LAMC1: variants seen among roughly 807,000 people sequenced by gnomAD.
LAMC1 encodes laminin subunit gamma 1, also known as laminin subunit gamma-1.
LAMC1 carries 38 observed loss-of-function variants against 173.6 expected under a neutral mutation model. The ratio of observed to expected loss-of-function variants is 0.22; its 90% confidence interval spans 0.17 to 0.29. The LOEUF (loss-of-function observed/expected upper bound fraction) is 0.29, where lower values mean the gene tolerates loss of function less well. Among genes scored for constraint, LAMC1 ranks in the 10% least tolerant of loss-of-function variants. The pLI is 1.00. For missense variants in LAMC1, 1,824 were observed against 2,051.8 expected (o/e 0.89, Z 2.14); for synonymous variants, 746 against 749.1 (o/e 1.00, Z 0.07).
chr1:183,024,185 C>G, intron 1 of LAMC1, 51 bp downstream of exon 1: 1 of 1,487,878 alleles, frequency 6.7e-7, no homozygotes, highest in Non-Finnish European at 9.0e-7. Flanking sequence ...CAGCCCAGCT[C>G]CCGGACCGGC....
intron 1 of LAMC1, among the ~76,000 whole-genome samples, chr1:183,064,650 A>G (rs889123617): frequency 6.6e-6 from 1 of 152,322 alleles, no homozygotes; most frequent in Non-Finnish European, 1.5e-5. Flanking sequence ...CAAAAATTGT[A>G]AGGGGCACCT....
intron 1 of LAMC1, among the ~76,000 whole-genome samples, chr1:183,070,305 A>G (rs947160090): frequency 2.6e-5 from 4 of 152,158 alleles, no homozygotes; most frequent in African/African-American, 7.2e-5. Context: ...TAGAATAGCT[A>G]TGATTTTAAG....
chr1:183,035,892 C>A (rs970052772), intron 1 of LAMC1, among the ~76,000 whole-genome samples: 1 of 152,068 alleles, frequency 6.6e-6, no homozygotes, highest in Non-Finnish European at 1.5e-5. Flanking sequence ...TGTTAAGCAA[C>A]CCCCTTAGAG....
Position 183,128,702 on chromosome 1 carries a change from G to A in LAMC1, c.3232G>A (p.Ala1078Thr), listed in dbSNP as rs1279748214. The change falls in exon 18 of 28, where the codon GCA becomes ACA. Residue 1078 changes from alanine to threonine, a missense_variant. Coordinates refer to ENST00000258341, the MANE Select transcript of LAMC1 (RefSeq NM_002293.4). ...DQAFEDRLKE[A>T]EREVMDLLRE... ...AGCCTTCGAGGATAGACTAAAGGAA[G>A]CAGAGAGGGAAGTTATGGACCTCCT... The A allele has an allele frequency of 1.2e-5, 19 of 1,613,496 alleles. No individual in the cohort carries two copies. Among genetic ancestry groups the A allele is most frequent in the Non-Finnish European group, 1.5e-5 (18 of 1,179,640 alleles).
chr1:183,127,445 CGTT>C (rs1656652511), intron 17 of LAMC1, 41 bp downstream of exon 17: 1 of 1,574,694 alleles, frequency 6.4e-7, no homozygotes, highest in Non-Finnish European at 8.7e-7. Context: ...ATCCAGCAGA[CGTT>C]GAGTGGCAAC....
At chr1:183,077,180 T>G (rs1396893662) in intron 1 of LAMC1, among the ~76,000 whole-genome samples, 2 of 152,322 alleles carry the variant, frequency 1.3e-5, no homozygotes, top group Non-Finnish European at 2.9e-5. Flanking sequence ...CCTTTTTTTT[T>G]GAAAAGCATG....
Position 183,140,443 on chromosome 1 carries a change from A to G in LAMC1, c.4513A>G (p.Lys1505Glu), listed in dbSNP as rs1268733511. The G allele has an allele frequency of 1.2e-6, 2 of 1,613,710 alleles. No individual in the cohort carries two copies. Among genetic ancestry groups the G allele is most frequent in the Non-Finnish European group, 1.7e-6 (2 of 1,179,896 alleles). ...TCAAGAAGCCGAGATCAATGCCAGAAAAGCCAAAAACTCTGTTACTAGCCT... is the reference window on the plus strand; with the variant it reads ...TCAAGAAGCCGAGATCAATGCCAGAGAAGCCAAAAACTCTGTTACTAGCCT... The part of the protein sequence containing the change: ...AAQEAEINAR[K>E]AKNSVTSLLS... Residue 1505 changes from lysine (K) to glutamate (E), a missense_variant, in exon 27 of 28, where the codon AAA (lysine) becomes GAA (glutamate). Transcript: ENST00000258341.
chr1:183,055,103 C>T (rs1654550270), intron 1 of LAMC1, among the ~76,000 whole-genome samples: 1 of 151,838 alleles, frequency 6.6e-6, no homozygotes, highest in Admixed American at 6.6e-5. Context: ...ATTCTCCTGC[C>T]TCAGCCTCCC....
intron 1 of LAMC1, among the ~76,000 whole-genome samples, chr1:183,030,634 T>G (rs1264172625): frequency 2.6e-5 from 4 of 152,172 alleles, no homozygotes; most frequent in Admixed American, 2.6e-4. Context: ...TCTGTAAATT[T>G]TTTAAAAAAG....
intron 1 of LAMC1, among the ~76,000 whole-genome samples, chr1:183,088,669 A>G (rs909960451): frequency 1.3e-5 from 2 of 152,254 alleles, no homozygotes; most frequent in African/African-American, 4.8e-5. Flanking sequence ...AAGAATAAAT[A>G]CTCAAGTAGT....
chr1:183,025,719 C>T (rs970099270), intron 1 of LAMC1, among the ~76,000 whole-genome samples: 3 of 152,150 alleles, frequency 2.0e-5, no homozygotes, highest in Non-Finnish European at 2.9e-5. Flanking sequence ...CTCTTGAAGT[C>T]TTATTTTTTT....
chr1:183,132,360 A>G lies in LAMC1; in HGVS notation c.3567-40A>G, dbSNP rs114519271. On this transcript the variant is annotated intron_variant, in intron 20 of 27. Coordinates refer to ENST00000258341, the MANE Select transcript of LAMC1 (RefSeq NM_002293.4). ...TGAATTTTACTTATGTCCCTATCAG[A>G]TGGTTGTTTCATGGCTTATTTTTTG... is the stretch of plus-strand genomic sequence containing the variant. The G allele has an allele frequency of 6.1e-3, 9,439 of 1,537,298 alleles. 64 individuals are homozygous for G. The highest frequency in any genetic ancestry group is 0.025 in the South Asian group (2,049 of 82,840).
intron 1 of LAMC1, among the ~76,000 whole-genome samples, chr1:183,074,137 C>T (rs750576478): frequency 1.2e-4 from 18 of 152,060 alleles, no homozygotes; most frequent in Non-Finnish European, 2.1e-4. Flanking sequence ...TGCAATTATT[C>T]AAATGGAATA....
At chr1:183,094,820 G>T (rs1248898690) in intron 1 of LAMC1, among the ~76,000 whole-genome samples, 1 of 152,156 alleles carries the variant, frequency 6.6e-6, no homozygotes, top group South Asian at 2.1e-4. Context: ...AAAAGGCACT[G>T]TAGCAAAATG....
intron 1 of LAMC1, among the ~76,000 whole-genome samples, chr1:183,096,248 T>G (rs1655689476): frequency 6.6e-6 from 1 of 152,184 alleles, no homozygotes; most frequent in Non-Finnish European, 1.5e-5. Context: ...CATCGAAAAA[T>G]CTAATTTCCA....
intron 20 of LAMC1, 85 bp downstream of exon 20, chr1:183,131,463 T>TGTGTGGTCG: frequency 1.3e-6 from 1 of 797,716 alleles, no homozygotes; most frequent in South Asian, 1.6e-5. Context: ...GTGTGTGTAT[T>TGTGTGGTCG]GTCTTATCCC....
rs769160140 is a variant in LAMC1, at chr1:183,116,892, C to T, written c.1553C>T (p.Thr518Ile). The change falls in exon 8 of 28, where the codon ACC (threonine) becomes ATC (isoleucine). Residue 518 changes from threonine (T) to isoleucine (I), a missense_variant. Coordinates refer to ENST00000258341, the MANE Select transcript of LAMC1 (RefSeq NM_002293.4). ...TACAGTGTTTATTCTATCTCCTCTA[C>T]CTTTCAGATTGGTAATTTAGACCTC... ...VGYSVYSISSTFQIDEDGWRA... is the reference protein window; with the variant it reads ...VGYSVYSISSIFQIDEDGWRA... 1.9e-6 allele frequency: 3 copies of T among 1,613,520 alleles called. No homozygotes were observed. In the African/African-American group the frequency reaches 4.0e-5, roughly 22 times the overall value.
chr1:183,134,951 C>T (rs1656896376), intron 23 of LAMC1, 91 bp from the exon 24 acceptor site: 1 of 1,345,760 alleles, frequency 7.4e-7, no homozygotes, highest in Non-Finnish European at 1.1e-6. Flanking sequence ...TGGCAAGTCT[C>T]AGGGTGGCAC....
chr1:183,078,825 A>G (rs1317743389), intron 1 of LAMC1, among the ~76,000 whole-genome samples: 1 of 152,148 alleles, frequency 6.6e-6, no homozygotes, highest in Non-Finnish European at 1.5e-5. Context: ...AGCCTGACCA[A>G]CATGGAGAAA....
Sources: allele counts gnomAD v4.1 joint callset (sites outside exome capture counted in the v4.1 genomes callset), GRCh38; gene constraint gnomAD v4.1.1; transcripts MANE v1.5; gene names NCBI Gene and HGNC (gene_info 2026-07-23, HGNC 2026-07-21).